Variants in EVL observed in about 807,000 individuals in gnomAD.
EVL encodes Enah/Vasp-like.
Under a neutral mutation model 59.6 loss-of-function variants are expected in EVL, and 21 were observed. That is an observed-to-expected ratio of 0.35 (90% confidence interval 0.25 to 0.51). The LOEUF (loss-of-function observed/expected upper bound fraction) is 0.51, where lower values mean the gene tolerates loss of function less well. Ranked by LOEUF, EVL falls within the 20% of genes least tolerant of loss-of-function variation. The pLI is 0.97. For synonymous variants in EVL, 198 were observed against 203.5 expected (o/e 0.97, Z 0.23); for missense variants, 462 against 546.6 (o/e 0.85, Z 1.54).
intron 3 of EVL, chr14:100,107,435 T>C (rs1459190048): frequency 2.5e-6 from 1 of 397,550 alleles, no homozygotes; most frequent in Non-Finnish European, 4.4e-6. Context: ...TGGGTTTACA[T>C]TTACAGATGA....
intron 1 of EVL, among the ~76,000 whole-genome samples, chr14:100,043,220 T>TAG (rs2061493117): frequency 1.3e-5 from 2 of 151,762 alleles, no homozygotes; most frequent in African/African-American, 4.8e-5. Context: ...AGGAGATAGA[T>TAG]ATATATATAT....
At position 99,998,800 on chromosome 14, in the gene EVL, C is replaced by CA. The variant is rs1361346632; in HGVS notation, c.5+26749dup. ...TATGCATTATATCATTTGATTCTCACAAAAAACCCTCCAAGATACATAATG... is the reference window on the plus strand; with the variant it reads ...TATGCATTATATCATTTGATTCTCACAAAAAAACCCTCCAAGATACATAATG... On this transcript the variant is annotated intron_variant, in intron 1 of 13. Transcript: ENST00000402714. Among the ~76,000 whole-genome samples the CA allele has an allele frequency of 1.2e-4, 19 of 152,094 alleles. No individual in the cohort carries two copies. In the East Asian group the frequency reaches 3.7e-3, roughly 29 times the overall value.
At chr14:100,113,747 A>T (rs941916595) in intron 3 of EVL, among the ~76,000 whole-genome samples, 1 of 152,154 alleles carries the variant, frequency 6.6e-6, no homozygotes, top group Non-Finnish European at 1.5e-5. Context: ...AGAGGGAATG[A>T]TGGTGTATTC....
At chr14:99,979,415 T>G (rs2060791958) in intron 1 of EVL, among the ~76,000 whole-genome samples, 3 of 152,328 alleles carry the variant, frequency 2.0e-5, no homozygotes, top group Middle Eastern at 6.8e-3. Flanking sequence ...GTTTTGTTCC[T>G]GATGATTTTT....
At chr14:100,044,130 A>T (rs1015148959) in intron 1 of EVL, among the ~76,000 whole-genome samples, 2 of 152,210 alleles carry the variant, frequency 1.3e-5, no homozygotes, top group South Asian at 4.1e-4. Flanking sequence ...TCAAGTTGAC[A>T]TCTAAAATTA....
rs548601097 is a variant in EVL, at chr14:100,097,913, T to A, written c.358+255T>A. 5.9e-5 allele frequency among the ~76,000 whole-genome samples: 9 copies of A among 152,348 alleles called. No individual in the cohort carries two copies. In the South Asian group the frequency reaches 1.7e-3, roughly 28 times the overall value. Reference sequence around the variant, plus strand: ...ACAGATGTGTCCCTGAAGCCACATATCCAGATCTGTTTTAAACTTGCCATC... The same window carrying A: ...ACAGATGTGTCCCTGAAGCCACATAACCAGATCTGTTTTAAACTTGCCATC... On this transcript the variant is annotated intron_variant, in intron 3 of 13. Coordinates refer to ENST00000392920, the MANE Select transcript of EVL (RefSeq NM_016337.3).
intron 1 of EVL, among the ~76,000 whole-genome samples, chr14:100,072,155 C>T (rs553048562): frequency 4.7e-4 from 72 of 152,256 alleles, no homozygotes; most frequent in African/African-American, 1.7e-3. Flanking sequence ...AAGCAGACGG[C>T]TCGATCAAAT....
At chr14:100,137,686 GC>G (rs1487811492) in intron 10 of EVL, 42 bp downstream of exon 10, 37 of 1,613,956 alleles carry the variant, frequency 2.3e-5, no homozygotes, top group Non-Finnish European at 3.1e-5. Context: ...GGCTGGTGGG[GC>G]AGAGGCGGGC....
rs140598748 is a variant in EVL at position 100,068,649 on chromosome 14, G to A, written c.11+3138G>A. 1.1e-3 allele frequency among the ~76,000 whole-genome samples: 168 copies of A among 152,326 alleles called. 1 individual carries two copies. Among genetic ancestry groups the A allele is most frequent in the African/African-American group, 3.8e-3 (158 of 41,568 alleles). ...GAAGTCACCAGATTCAGGAAGTGCC[G>A]TGGTGCTGTAGCCTCCAGGACTATC... On this transcript the variant is annotated intron_variant, in intron 1 of 13. Coordinates refer to ENST00000392920, the MANE Select transcript of EVL (RefSeq NM_016337.3).
At chr14:100,132,839 A>T in intron 8 of EVL, 60 bp downstream of exon 8, 1 of 1,588,128 alleles carries the variant, frequency 6.3e-7, no homozygotes, top group Non-Finnish European at 8.6e-7. Flanking sequence ...ATCGCCAGGG[A>T]GGCTCTCTGG....
intron 4 of EVL, among the ~76,000 whole-genome samples, chr14:100,126,063 C>G (rs138327618): frequency 1.3e-5 from 2 of 152,154 alleles, no homozygotes; most frequent in Non-Finnish European, 2.9e-5. Context: ...CTCCAGAACT[C>G]GATCCCTGGA....
intron 1 of EVL, among the ~76,000 whole-genome samples, chr14:99,982,238 C>T (rs1266156797): frequency 2.6e-5 from 4 of 152,098 alleles, no homozygotes. Flanking sequence ...GGGCATTGTA[C>T]ATTTGATATA....
intron 1 of EVL, among the ~76,000 whole-genome samples, chr14:100,016,497 G>T (rs2061051433): frequency 6.6e-6 from 1 of 152,222 alleles, no homozygotes; most frequent in South Asian, 2.1e-4. Context: ...CCACTGCACT[G>T]CAGCTTGGCG....
intron 1 of EVL, among the ~76,000 whole-genome samples, chr14:100,050,074 A>G (rs1006193570): frequency 2.6e-5 from 4 of 152,258 alleles, no homozygotes; most frequent in African/African-American, 7.2e-5. Flanking sequence ...ACAGATATAA[A>G]GGAAGCAACA....
At chr14:100,034,791 G>T (rs2140223593) in intron 1 of EVL, among the ~76,000 whole-genome samples, 1 of 152,210 alleles carries the variant, frequency 6.6e-6, no homozygotes, top group South Asian at 2.1e-4. Flanking sequence ...GTCCCATTTG[G>T]ATGTGAGCTC....
intron 1 of EVL, among the ~76,000 whole-genome samples, chr14:99,987,251 AC>A (rs760715146): frequency 1.3e-5 from 2 of 151,940 alleles, no homozygotes; most frequent in African/African-American, 2.4e-5. Context: ...TTGAAATACT[AC>A]CCCCCGCCAA....
At chr14:100,040,159 A>G (rs117478241) in intron 1 of EVL, among the ~76,000 whole-genome samples, 4,365 of 152,312 alleles carry the variant, frequency 0.029, 90 homozygotes, top group Non-Finnish European at 0.042. Context: ...AAACGGCTCA[A>G]TGCACAGTGA....
chr14:100,097,688 T>C (rs948122466), intron 3 of EVL, 30 bp downstream of exon 3: 4 of 1,572,892 alleles, frequency 2.5e-6, no homozygotes, highest in Admixed American at 1.8e-5. Context: ...GGCCTGATGC[T>C]GAGACCCTCT....
intron 3 of EVL, among the ~76,000 whole-genome samples, chr14:100,104,701 T>C (rs1886447672): frequency 6.6e-6 from 1 of 152,184 alleles, no homozygotes; most frequent in Admixed American, 6.5e-5. Context: ...TCATAATAAT[T>C]TTTATTGGAA....
Sources: allele counts gnomAD v4.1 joint callset (sites outside exome capture counted in the v4.1 genomes callset), GRCh38; gene constraint gnomAD v4.1.1; transcripts MANE v1.5; gene names NCBI Gene and HGNC (gene_info 2026-07-23, HGNC 2026-07-21).